RASA2: variants seen among roughly 807,000 people sequenced by gnomAD.
RASA2 encodes the protein ras GTPase-activating protein 2.
RASA2 carries 155 observed loss-of-function variants against 118.2 expected under a neutral mutation model. That is an observed-to-expected ratio of 1.31 (90% CI 1.15 to 1.50). The LOEUF (loss-of-function observed/expected upper bound fraction) is 1.50, where lower values mean the gene tolerates loss of function less well. Among genes scored for constraint, RASA2 ranks in the 40% most tolerant of loss-of-function variants. The pLI is 0.00. For missense variants in RASA2, 1,016 were observed against 1,009.6 expected (o/e 1.01, Z -0.09); for synonymous variants, 353 against 349.1 (o/e 1.01, Z -0.12).
chr3:141,612,858 CTT>C lies in RASA2; in HGVS notation c.*547_*548del, dbSNP rs1212043486. ...GTTCCATTCAAGACAGTGATAGAAA[CTT>C]TAGAAAACTGCCAGAGCATACTTGA... On this transcript the variant is annotated 3_prime_UTR_variant, in exon 24 of 24. Transcript: ENST00000286364. 1 of 152,178 alleles carries C rather than the reference CTT, an allele frequency of 6.6e-6. No individual in the cohort carries two copies. Among genetic ancestry groups the C allele is most frequent in the Non-Finnish European group, 1.5e-5 (1 of 68,066 alleles). 9.4% of individuals were successfully genotyped at this position (152,178 alleles called of 1,614,324 possible). A position where few individuals can be genotyped will look rare whatever the true frequency, so the allele number is the denominator to read the frequency against.
chr3:141,503,865 G>A (rs2081822927), intron 1 of RASA2, among the ~76,000 whole-genome samples: 1 of 152,138 alleles, frequency 6.6e-6, no homozygotes, highest in South Asian at 2.1e-4. Context: ...ATACAATAAA[G>A]ATTCTTTAAG....
At chr3:141,526,536 A>G (rs2082187513) in intron 3 of RASA2, among the ~76,000 whole-genome samples, 1 of 152,124 alleles carries the variant, frequency 6.6e-6, no homozygotes, top group Admixed American at 6.6e-5. Context: ...TATATTGCCT[A>G]ATAAAGTGCT....
chr3:141,499,503 T>C (rs1465907864), intron 1 of RASA2, among the ~76,000 whole-genome samples: 7 of 152,154 alleles, frequency 4.6e-5, no homozygotes, highest in Admixed American at 3.9e-4. Flanking sequence ...ATTCCTAGAG[T>C]CCTGTGCCCA....
chr3:141,594,883 T>TC (rs397802662), intron 19 of RASA2, among the ~76,000 whole-genome samples: 4 of 151,856 alleles, frequency 2.6e-5, no homozygotes, highest in Non-Finnish European at 4.4e-5. Flanking sequence ...GTTTTTTTTT[T>TC]CTCCATTTCT....
chr3:141,489,317 T>C (rs1249717630), intron 1 of RASA2, among the ~76,000 whole-genome samples: 1 of 152,236 alleles, frequency 6.6e-6, no homozygotes, highest in Non-Finnish European at 1.5e-5. Context: ...CCACAGTTGG[T>C]TGACATTCAG....
At position 141,571,522 on chromosome 3, in the gene RASA2, T is replaced by C. The variant is rs776987399; in HGVS notation, c.1137T>C (p.Thr379=). 2 of 1,612,734 alleles carry C rather than the reference T, an allele frequency of 1.2e-6. No individual in the cohort carries two copies. Among genetic ancestry groups the C allele is most frequent in the Admixed American group, 3.3e-5 (2 of 59,842 alleles). Residue 379 remains threonine (T), a synonymous_variant, in exon 11 of 24, where the codon ACT becomes ACC. Coordinates refer to ENST00000286364, the MANE Select transcript of RASA2 (RefSeq NM_006506.5). The part of the protein sequence containing the change: ...LHHDKLVPFA[T]AVAELDLKDT... Reference sequence around the variant, plus strand: ...ATGATAAACTTGTTCCTTTTGCCACTGCTGTGGCTGAATTAGACTTGAAGG... The same window carrying C: ...ATGATAAACTTGTTCCTTTTGCCACCGCTGTGGCTGAATTAGACTTGAAGG...
Position 141,493,075 on chromosome 3 carries a change from A to C in RASA2, c.133+5859A>C, listed in dbSNP as rs578100129. On this transcript the variant is annotated intron_variant, in intron 1 of 23. Coordinates refer to ENST00000286364, the MANE Select transcript of RASA2 (RefSeq NM_006506.5). ...ATTTTACAAATGAAGAATCTAACAG[A>C]GACAGCAAGTGTCACACAGTTGATG... Among the ~76,000 whole-genome samples the C allele has an allele frequency of 6.6e-5, 10 of 152,362 alleles. No homozygotes were observed. In the South Asian group the frequency reaches 1.9e-3, roughly 28 times the overall value.
intron 23 of RASA2, 119 bp downstream of exon 23, chr3:141,610,185 T>TG: frequency 1.2e-6 from 1 of 814,402 alleles, no homozygotes. Flanking sequence ...TCAGGGCCAT[T>TG]CTCTGGTGCA....
chr3:141,589,692 T>C (rs1234534108), intron 19 of RASA2, among the ~76,000 whole-genome samples: 2 of 151,788 alleles, frequency 1.3e-5, no homozygotes, highest in African/African-American at 4.8e-5. Flanking sequence ...AATACAAAAA[T>C]TAGCCAGGCG....
chr3:141,493,603 C>T (rs567356344), intron 1 of RASA2, among the ~76,000 whole-genome samples: 2 of 151,418 alleles, frequency 1.3e-5, no homozygotes, highest in South Asian at 4.2e-4. Context: ...GCTGTGCTAT[C>T]ATTTAAAAGG....
chr3:141,513,496 A>G (rs953337123), intron 2 of RASA2, among the ~76,000 whole-genome samples: 1 of 152,222 alleles, frequency 6.6e-6, no homozygotes, highest in African/African-American at 2.4e-5. Context: ...TTGTTTAGAA[A>G]ATAATGCAAA....
chr3:141,602,391 G>A (rs1313032880), intron 19 of RASA2, among the ~76,000 whole-genome samples: 3 of 152,154 alleles, frequency 2.0e-5, no homozygotes, highest in Non-Finnish European at 4.4e-5. Flanking sequence ...TTTCACAATA[G>A]GATTTGCACT....
chr3:141,582,292 T>A (rs1247033267), intron 17 of RASA2, among the ~76,000 whole-genome samples: 1 of 152,220 alleles, frequency 6.6e-6, no homozygotes, highest in African/African-American at 2.4e-5. Flanking sequence ...ATAGTGCCTG[T>A]TTAACCAAAA....
rs866535993 is a variant in RASA2 at position 141,520,014 on chromosome 3, T to C, written c.355+3583T>C. 4.8e-3 allele frequency among the ~76,000 whole-genome samples: 667 copies of C among 138,818 alleles called. 2 individuals are homozygous for C. Among genetic ancestry groups the C allele is most frequent in the African/African-American group, 0.016 (612 of 38,040 alleles). The allele number at this position is 138,818 out of a possible 152,430, so 91.1% of individuals were successfully genotyped here. A position where few individuals can be genotyped will look rare whatever the true frequency, so the allele number is the denominator to read the frequency against. ...TTTCTTTTCTTTTTCTTTTTCTCTTTTTTTTTTTTTTTTTTTTGAGATGGA... is the reference window on the plus strand; with the variant it reads ...TTTCTTTTCTTTTTCTTTTTCTCTTCTTTTTTTTTTTTTTTTTGAGATGGA... On this transcript the variant is annotated intron_variant, in intron 3 of 23. Coordinates refer to ENST00000286364, the MANE Select transcript of RASA2 (RefSeq NM_006506.5).
intron 15 of RASA2, among the ~76,000 whole-genome samples, chr3:141,579,284 A>T (rs2083062235): frequency 6.6e-6 from 1 of 152,196 alleles, no homozygotes; most frequent in Non-Finnish European, 1.5e-5. Flanking sequence ...AAATGTATGG[A>T]TTGGTGAAAA....
At chr3:141,581,068 C>T (rs2083105938) in intron 16 of RASA2, 32 bp from the exon 17 acceptor site, 2 of 1,477,112 alleles carry the variant, frequency 1.4e-6, no homozygotes, top group Non-Finnish European at 1.8e-6. Flanking sequence ...CTCTATTTAA[C>T]ACATATAAAC....
chr3:141,544,065 AG>A (rs975664696), intron 5 of RASA2, among the ~76,000 whole-genome samples: 76 of 151,710 alleles, frequency 5.0e-4, no homozygotes, highest in African/African-American at 1.8e-3. Flanking sequence ...TAGTAGAAAC[AG>A]GGTTTCGCCA....
intron 19 of RASA2, among the ~76,000 whole-genome samples, chr3:141,602,456 CT>C (rs1408612581): frequency 6.6e-6 from 1 of 152,186 alleles, no homozygotes; most frequent in African/African-American, 2.4e-5. Context: ...GGTAGTAATG[CT>C]TGCTTGCCCA....
chr3:141,499,533 G>A (rs1173564915), intron 1 of RASA2, among the ~76,000 whole-genome samples: 1 of 152,150 alleles, frequency 6.6e-6, no homozygotes, highest in East Asian at 1.9e-4. Context: ...TTGCTCACTG[G>A]TACTACCTCA....
Sources: gnomAD v4.1 joint callset for allele counts (sites outside exome capture counted in the v4.1 genomes callset) on GRCh38, gnomAD v4.1.1 for gene constraint, MANE v1.5 for transcripts, NCBI Gene and HGNC (gene_info 2026-07-23, HGNC 2026-07-21) for gene names.